KCNH1: variants seen among roughly 807,000 people sequenced by gnomAD.
KCNH1 encodes the protein voltage-gated delayed rectifier potassium channel KCNH1.
In KCNH1, 27 loss-of-function variants were observed where a neutral mutation model predicts 69.2. The observed-to-expected ratio is 0.39, with a 90% CI of 0.29 to 0.54. The LOEUF (loss-of-function observed/expected upper bound fraction) is 0.54. Among genes scored for constraint, KCNH1 ranks in the 20% least tolerant of loss-of-function variants. The pLI, the probability that KCNH1 is intolerant of heterozygous loss-of-function variation, is 0.68. For missense variants in KCNH1, 798 were observed against 1,261.6 expected (o/e 0.63, Z 5.57); for synonymous variants, 456 against 487.7 (o/e 0.93, Z 0.86).
chr1:210,793,194 G>A (rs1216279584), intron 9 of KCNH1, among the ~76,000 whole-genome samples: 1 of 152,202 alleles, frequency 6.6e-6, no homozygotes, highest in Non-Finnish European at 1.5e-5. Flanking sequence ...AGAGAGAACA[G>A]CAAAGGGAAA....
intron 10 of KCNH1, among the ~76,000 whole-genome samples, chr1:210,743,598 A>G (rs1216937199): frequency 6.6e-6 from 1 of 152,154 alleles, no homozygotes; most frequent in African/African-American, 2.4e-5. Context: ...TAGGACAAGA[A>G]CGCCTATTTT....
chr1:211,038,979 T>C (rs12239853), intron 5 of KCNH1, among the ~76,000 whole-genome samples: 1,776 of 152,272 alleles, frequency 0.012, 39 homozygotes, highest in African/African-American at 0.04. Context: ...CCCAAGACCA[T>C]GGGGAAAATG....
intron 9 of KCNH1, among the ~76,000 whole-genome samples, chr1:210,782,535 G>T (rs1283531627): frequency 6.6e-6 from 1 of 152,114 alleles, no homozygotes; most frequent in Admixed American, 6.5e-5. Flanking sequence ...AGACCAGCCT[G>T]GCCAATGTGG....
intron 3 of KCNH1, among the ~76,000 whole-genome samples, chr1:211,098,682 T>C (rs1294866004): frequency 6.6e-6 from 1 of 152,196 alleles, no homozygotes; most frequent in Non-Finnish European, 1.5e-5. Flanking sequence ...GGAAAATGCC[T>C]ATAATTAAAT....
intron 6 of KCNH1, among the ~76,000 whole-genome samples, chr1:210,953,655 TA>T (rs1489702340): frequency 6.6e-6 from 1 of 152,168 alleles, no homozygotes; most frequent in Non-Finnish European, 1.5e-5. Context: ...GGATTCTTTC[TA>T]AAATTTTAAT....
Position 210,682,918 on chromosome 1 carries a change from C to T in KCNH1, c.*363G>A, listed in dbSNP as rs559915383. 3.9e-5 allele frequency: 10 copies of T among 255,748 alleles called. No individual in the cohort carries two copies. In the East Asian group the frequency reaches 8.1e-4, roughly 21 times the overall value. The allele number at this position is 255,748 out of a possible 1,614,324, so 15.8% of individuals were successfully genotyped here. On this transcript the variant is annotated 3_prime_UTR_variant, in exon 11 of 11. Coordinates refer to ENST00000271751, the MANE Select transcript of KCNH1 (RefSeq NM_172362.3). ...GCATAGTATATACATGAGAGGTTCT[C>T]GGCACTTTCCCACCAGTCCCCAGAT...
At chr1:211,050,026 A>G (rs1394491782) in intron 5 of KCNH1, among the ~76,000 whole-genome samples, 2 of 152,088 alleles carry the variant, frequency 1.3e-5, no homozygotes, top group Non-Finnish European at 2.9e-5. Context: ...TAAGGACACA[A>G]GTAGAGCACC....
chr1:210,946,703 C>T (rs892496567), intron 6 of KCNH1, among the ~76,000 whole-genome samples: 1 of 152,176 alleles, frequency 6.6e-6, no homozygotes, highest in African/African-American at 2.4e-5. Context: ...CTCCTCCTGC[C>T]TTCTCTCCCG....
intron 6 of KCNH1, among the ~76,000 whole-genome samples, chr1:210,998,729 A>G (rs1375362214): frequency 6.6e-6 from 1 of 152,190 alleles, no homozygotes; most frequent in Non-Finnish European, 1.5e-5. Context: ...GCACCACAAC[A>G]CACCTAATCC....
chr1:210,985,031 G>A (rs1413770470), intron 6 of KCNH1, among the ~76,000 whole-genome samples: 1 of 152,110 alleles, frequency 6.6e-6, no homozygotes, highest in African/African-American at 2.4e-5. Context: ...ATATGTCGAG[G>A]AATTTATCCA....
At chr1:210,761,811 T>A (rs1683530318) in intron 10 of KCNH1, among the ~76,000 whole-genome samples, 1 of 151,998 alleles carries the variant, frequency 6.6e-6, no homozygotes, top group Admixed American at 6.5e-5. Flanking sequence ...GACTTCAATA[T>A]CCCACTGACA....
At position 211,106,630 on chromosome 1, in the gene KCNH1, C is replaced by CA. The variant is rs370857373; in HGVS notation, c.203+623dup. ...GAAACCCCCATCTCTACTAAAAATA[C>CA]AAAAAAAAAAAAAAATTAGCCAGGT... On this transcript the variant is annotated intron_variant, in intron 2 of 10. Coordinates refer to ENST00000271751, the MANE Select transcript of KCNH1 (RefSeq NM_172362.3). 6.8e-4 allele frequency among the ~76,000 whole-genome samples: 94 copies of CA among 137,666 alleles called. 2 individuals are homozygous for CA. The highest frequency in any genetic ancestry group is 2.6e-3 in the South Asian group (11 of 4,280). 90.3% of individuals were successfully genotyped at this position (137,666 alleles called of 152,430 possible).
intron 7 of KCNH1, among the ~76,000 whole-genome samples, chr1:210,889,097 AC>A (rs1686686596): frequency 6.6e-6 from 1 of 152,184 alleles, no homozygotes; most frequent in Non-Finnish European, 1.5e-5. Context: ...CAGAGACACA[AC>A]AAAAAAAGAA....
intron 9 of KCNH1, among the ~76,000 whole-genome samples, chr1:210,783,415 A>G (rs766645684): frequency 2.0e-5 from 3 of 152,190 alleles, no homozygotes; most frequent in Non-Finnish European, 4.4e-5. Context: ...CCCCAAATCA[A>G]TTCTTTCCTC....
chr1:211,018,693 C>T (rs1226470722), intron 6 of KCNH1, 90 bp downstream of exon 6: 3 of 1,001,830 alleles, frequency 3.0e-6, no homozygotes, highest in Admixed American at 4.4e-5. Flanking sequence ...CATGCTATTT[C>T]CCACCCATTT....
At chr1:210,865,169 T>C (rs1686079234) in intron 7 of KCNH1, among the ~76,000 whole-genome samples, 1 of 152,204 alleles carries the variant, frequency 6.6e-6, no homozygotes, top group African/African-American at 2.4e-5. Context: ...CTCTGGAATA[T>C]ACAATCTGCT....
intron 1 of KCNH1, among the ~76,000 whole-genome samples, chr1:211,128,855 C>T (rs1691829499): frequency 6.6e-6 from 1 of 151,690 alleles, no homozygotes; most frequent in African/African-American, 2.4e-5. Context: ...TTTGGTAAGA[C>T]CAAATGACAG....
At chr1:210,931,854 C>T (rs1297647578) in intron 6 of KCNH1, among the ~76,000 whole-genome samples, 1 of 132,414 alleles carries the variant, frequency 7.6e-6, no homozygotes, top group East Asian at 2.1e-4. Context: ...AAAAAAAAAA[C>T]AATCCAGGGT....
intron 1 of KCNH1, among the ~76,000 whole-genome samples, chr1:211,108,063 G>T (rs1041459000): frequency 6.6e-5 from 10 of 152,150 alleles, no homozygotes; most frequent in Non-Finnish European, 1.5e-4. Flanking sequence ...GCATTTTGGG[G>T]CTCTGTCACA....
Sources: allele counts gnomAD v4.1 joint callset (sites outside exome capture counted in the v4.1 genomes callset), GRCh38; gene constraint gnomAD v4.1.1; transcripts MANE v1.5; gene names NCBI Gene and HGNC (gene_info 2026-07-23, HGNC 2026-07-21).